Variants in ABCC5 observed in about 807,000 individuals in gnomAD.
ABCC5 encodes ATP binding cassette subfamily C member 5.
Under a neutral mutation model 160.9 loss-of-function variants are expected in ABCC5, and 61 were observed. The observed-to-expected ratio is 0.38, with a 90% confidence interval of 0.31 to 0.47. The LOEUF is 0.47. Ranked by LOEUF, ABCC5 falls within the 20% of genes least tolerant of loss-of-function variation. ABCC5 has a pLI of 0.99. For synonymous variants in ABCC5, 666 were observed against 700.6 expected, an observed-to-expected ratio of 0.95 and a Z score of 0.78; for missense variants, 1,308 against 1,813.3, an observed-to-expected ratio of 0.72 and a Z score of 5.06.
At chr3:183,972,100 G>A (rs1317835133) in intron 10 of ABCC5, 181 bp from the exon 11 acceptor site, 34 of 1,285,364 alleles carry the variant, frequency 2.6e-5, no homozygotes, top group Non-Finnish European at 2.1e-5. Flanking sequence ...TCACGGGAGT[G>A]TGGGGCAACC....
At position 183,967,804 on chromosome 3, in the gene ABCC5, C is replaced by CT. The variant is rs759235036; in HGVS notation, c.1762-39dup. ...CACAGAGAGGAGGGTCATTTAGAGA[C>CT]TACTAACCACTCATCGCTAAGGACT... On this transcript the variant is annotated intron_variant, in intron 11 of 29. Coordinates refer to ENST00000334444, the MANE Select transcript of ABCC5 (RefSeq NM_005688.4). 6.0e-6 allele frequency: 9 copies of CT among 1,488,240 alleles called. No homozygotes were observed. In the South Asian group the frequency reaches 1.0e-4, roughly 17 times the overall value. The allele number at this position is 1,488,240 out of a possible 1,614,324, so 92.2% of individuals were successfully genotyped here.
intron 9 of ABCC5, among the ~76,000 whole-genome samples, 156 bp from the exon 10 acceptor site, chr3:183,977,780 T>C (rs1718351788): frequency 1.3e-5 from 2 of 151,084 alleles, no homozygotes; most frequent in African/African-American, 4.9e-5. Flanking sequence ...TGAGACGGAG[T>C]CTCGCTCTGT....
Position 183,947,468 on chromosome 3 carries a change from C to CAA in ABCC5, c.3268_3269dup (p.Leu1090PhefsTer27). The stretch of plus-strand genomic sequence containing the variant: ...CCAGCCACCGCATCGCACACGTAAA[C>CAA]AAAAAAAAAGGAGCTTGGTTGTCAT... On this transcript the variant is annotated frameshift_variant, in exon 23 of 30. Transcript: ENST00000334444. LOFTEE classifies it high-confidence loss of function. The CAA allele has an allele frequency of 1.9e-6, 3 of 1,582,076 alleles. No individual in the cohort carries two copies. The highest frequency in any genetic ancestry group is 1.7e-6 in the Non-Finnish European group (2 of 1,163,472).
At chr3:184,004,442 C>T (rs1352362266) in intron 2 of ABCC5, among the ~76,000 whole-genome samples, 1 of 141,864 alleles carries the variant, frequency 7.0e-6, no homozygotes, top group Non-Finnish European at 1.5e-5. Flanking sequence ...ACCTAGAAGG[C>T]AGAGGTTGCA....
chr3:184,002,274 C>T (rs574185659), intron 2 of ABCC5, among the ~76,000 whole-genome samples: 2 of 152,092 alleles, frequency 1.3e-5, no homozygotes, highest in African/African-American at 4.8e-5. Context: ...TGATGCATGC[C>T]TGTCATCCCA....
At chr3:183,936,097 A>G (rs1713686979) in intron 26 of ABCC5, among the ~76,000 whole-genome samples, 1 of 152,108 alleles carries the variant, frequency 6.6e-6, no homozygotes, top group African/African-American at 2.4e-5. Context: ...GGTTTAGATG[A>G]GATCATGAGG....
Position 183,925,582 on chromosome 3 carries a change from A to T in ABCC5, c.4185T>A (p.Asp1395Glu). The change falls in exon 29 of 30, where the codon GAT (aspartate) becomes GAA (glutamate). Residue 1395 changes from aspartate to glutamate, a missense_variant. Around this residue, in one of 3 missense-constraint regions of ABCC5, gnomAD observed 163 missense variants for 269.7 expected, o/e 0.60. Transcript: ENST00000334444. ...GTCCCTGGGCCAGCACCATAATCCT[A>T]TCGGAGCCTAGAACCGTGTGCAGGC... is the stretch of plus-strand genomic sequence containing the variant. ...AHRLHTVLGS[D>E]RIMVLAQGQV... 6.2e-7 allele frequency: 1 copy of T among 1,613,818 alleles called. No individual in the cohort carries two copies.
chr3:183,978,994 T>C (rs1159852609), intron 8 of ABCC5, among the ~76,000 whole-genome samples: 10 of 152,226 alleles, frequency 6.6e-5, no homozygotes. Context: ...TGTTGACTTT[T>C]TGCCTAAGGA....
intron 10 of ABCC5, among the ~76,000 whole-genome samples, chr3:183,974,369 G>A (rs576652218): frequency 1.1e-4 from 16 of 152,182 alleles, no homozygotes; most frequent in South Asian, 6.2e-4. Flanking sequence ...ATGCAGTGGC[G>A]CAATCTCAGC....
At chr3:183,956,125 T>TAC (rs1377295531) in intron 17 of ABCC5, among the ~76,000 whole-genome samples, 25 of 130,334 alleles carry the variant, frequency 1.9e-4, no homozygotes, top group Non-Finnish European at 3.2e-4. Context: ...GCTCCGTGTG[T>TAC]ATATCACATC....
chr3:183,950,067 G>T lies in ABCC5; in HGVS notation c.3003C>A (p.Phe1001Leu). Residue 1001 changes from phenylalanine to leucine, a missense_variant, in exon 21 of 30, where the codon TTC (phenylalanine) becomes TTA (leucine). Coordinates refer to ENST00000334444, the MANE Select transcript of ABCC5 (RefSeq NM_005688.4). ...CTCCTGCGATCATTCCCACACAGAA[G>T]AACACCAGGATAACGTTCTGGATGA... ...EMFIQNVILV[F>L]FCVGMIAGVF... 2 of 1,614,052 alleles carry T rather than the reference G, an allele frequency of 1.2e-6. No homozygotes were observed. Among genetic ancestry groups the T allele is most frequent in the Non-Finnish European group, 1.7e-6 (2 of 1,180,018 alleles).
chr3:183,972,814 T>C (rs1386642164), intron 10 of ABCC5, among the ~76,000 whole-genome samples: 1 of 151,952 alleles, frequency 6.6e-6, no homozygotes, highest in Non-Finnish European at 1.5e-5. Context: ...CCGGCTAATT[T>C]TTGTATTTTT....
At chr3:183,996,692 C>T (rs1284330967) in intron 2 of ABCC5, among the ~76,000 whole-genome samples, 2 of 152,156 alleles carry the variant, frequency 1.3e-5, no homozygotes, top group Non-Finnish European at 2.9e-5. Flanking sequence ...CAATTTTATC[C>T]TAACAAACCC....
chr3:183,976,858 A>G (rs771847297), intron 10 of ABCC5, among the ~76,000 whole-genome samples: 2 of 152,118 alleles, frequency 1.3e-5, no homozygotes, highest in African/African-American at 2.4e-5. Context: ...TTTGTTAAGT[A>G]TTAACCACTA....
At chr3:183,929,761 C>T (rs1712988374) in intron 26 of ABCC5, among the ~76,000 whole-genome samples, 1 of 151,814 alleles carries the variant, frequency 6.6e-6, no homozygotes, top group South Asian at 2.1e-4. Flanking sequence ...TTTTTTTTTA[C>T]AGGCGCATGC....
rs750610960 is a variant in ABCC5 at position 183,982,538 on chromosome 3, G to A, written c.912C>T (p.Ala304=). 2 of 1,614,112 alleles carry A rather than the reference G, an allele frequency of 1.2e-6. No homozygotes were observed. Among genetic ancestry groups the A allele is most frequent in the Non-Finnish European group, 1.7e-6 (2 of 1,180,026 alleles). The stretch of plus-strand genomic sequence containing the variant: ...TTACATTATAAATCATGCCTAAGAT[G>A]GCAACAACGGGTCCTCCAGCCAGCA... ...GSLLAGGPVV[A]ILGMIYNVII... is the part of the protein sequence containing the mutation. Residue 304 remains alanine, a synonymous_variant, in exon 7 of 30, where the codon GCC becomes GCT. Coordinates refer to ENST00000334444, the MANE Select transcript of ABCC5 (RefSeq NM_005688.4). The surrounding 1 kb of genome is among the most constrained non-coding windows in gnomAD (Gnocchi z 5.2).
intron 9 of ABCC5, 45 bp from the exon 10 acceptor site, chr3:183,977,669 C>T (rs1193791606): frequency 2.1e-6 from 3 of 1,396,146 alleles, no homozygotes; most frequent in Non-Finnish European, 3.0e-6. Context: ...TGATGCTATG[C>T]AACTGAAGTA....
intron 18 of ABCC5, among the ~76,000 whole-genome samples, chr3:183,952,854 A>G (rs4148585): frequency 0.63 from 95,681 of 151,976 alleles, 31,091 homozygotes; most frequent in East Asian, 0.86. Flanking sequence ...ACGGATGAGA[A>G]CAGATAGCCT....
chr3:183,941,535 A>G (rs925784200), intron 25 of ABCC5, among the ~76,000 whole-genome samples: 1 of 150,316 alleles, frequency 6.7e-6, no homozygotes, highest in Non-Finnish European at 1.5e-5. Context: ...TTTTTTTTTA[A>G]TGGCAAGGAA....
Sources: gnomAD v4.1 joint callset for allele counts (sites outside exome capture counted in the v4.1 genomes callset) on GRCh38, gnomAD v4.1.1 for gene constraint, gnomAD v4.1.1 regional missense constraint, Gnocchi (gnomAD v3.1) non-coding constraint, MANE v1.5 for transcripts, NCBI Gene and HGNC (gene_info 2026-07-23, HGNC 2026-07-21) for gene names.